PTPRT: variants seen among roughly 807,000 people sequenced by gnomAD.
PTPRT encodes the protein receptor-type tyrosine-protein phosphatase T.
Under a neutral mutation model 176.8 loss-of-function variants are expected in PTPRT, and 56 were observed. The observed-to-expected ratio is 0.32, with a 90% confidence interval of 0.26 to 0.40. PTPRT has a LOEUF of 0.40. PTPRT is among the 10% of genes least tolerant of loss of function. PTPRT has a pLI of 1.00. For synonymous variants in PTPRT, 783 were observed against 739.0 expected (o/e 1.06, Z -0.96); for missense variants, 1,540 against 1,908.2 (o/e 0.81, Z 3.60).
At chr20:42,064,584 C>T in the PTPRT span, among the ~76,000 whole-genome samples, 1 of 152,166 alleles carries the variant, frequency 6.6e-6, no homozygotes, top group Non-Finnish European at 1.5e-5. Flanking sequence ...GTTTATTCTA[C>T]AAGTATGAAT....
chr20:42,941,091 T>G (rs206648), intron 1 of PTPRT, among the ~76,000 whole-genome samples: 1 of 146,724 alleles, frequency 6.8e-6, no homozygotes, highest in African/African-American at 2.6e-5. Context: ...CAAAAAAAAA[T>G]AATAATAATA....
intron 1 of PTPRT, among the ~76,000 whole-genome samples, chr20:42,933,334 G>C (rs2145976542): frequency 6.6e-6 from 1 of 152,252 alleles, no homozygotes; most frequent in Admixed American, 6.5e-5. Flanking sequence ...CTGCAAATAG[G>C]ATCAATTTGG....
intron 2 of PTPRT, among the ~76,000 whole-genome samples, chr20:42,846,261 G>A (rs1378922979): frequency 6.6e-6 from 1 of 152,210 alleles, no homozygotes; most frequent in Non-Finnish European, 1.5e-5. Flanking sequence ...AGCTCTGCAG[G>A]GGAGAGGCAT....
intron 1 of PTPRT, among the ~76,000 whole-genome samples, chr20:42,959,615 G>T (rs936366400): frequency 6.6e-6 from 1 of 152,144 alleles, no homozygotes; most frequent in East Asian, 1.9e-4. Context: ...TCCAGCACAG[G>T]TGGGACAACT....
At chr20:43,180,797 T>C (rs1030063700) in intron 1 of PTPRT, among the ~76,000 whole-genome samples, 2 of 152,132 alleles carry the variant, frequency 1.3e-5, no homozygotes, top group African/African-American at 4.8e-5. Context: ...TGATATATAA[T>C]ATATATGCCC....
At chr20:42,400,473 GACAA>G (rs1286985664) in intron 9 of PTPRT, among the ~76,000 whole-genome samples, 2 of 151,978 alleles carry the variant, frequency 1.3e-5, no homozygotes, top group Non-Finnish European at 2.9e-5. Flanking sequence ...TGTGAGCAAG[GACAA>G]ACAAAGATAT....
intron 7 of PTPRT, among the ~76,000 whole-genome samples, chr20:42,577,846 T>C (rs975638062): frequency 1.3e-5 from 2 of 150,808 alleles, no homozygotes; most frequent in Non-Finnish European, 3.0e-5. Context: ...GCTGTGTGTG[T>C]GTGTGTGTGT....
intron 27 of PTPRT, among the ~76,000 whole-genome samples, chr20:42,089,291 T>C (rs1410419930): frequency 6.6e-6 from 1 of 152,160 alleles, no homozygotes; most frequent in African/African-American, 2.4e-5. Flanking sequence ...AATAAGTCTA[T>C]GGTTGGTCAG....
At chr20:42,637,894 C>A (rs186016941) in intron 7 of PTPRT, among the ~76,000 whole-genome samples, 31 of 152,182 alleles carry the variant, frequency 2.0e-4, no homozygotes, top group African/African-American at 7.5e-4. Context: ...ATTTAAAAAT[C>A]AAACTTGCAT....
At chr20:43,146,076 C>T (rs754743665) in intron 1 of PTPRT, among the ~76,000 whole-genome samples, 31 of 152,120 alleles carry the variant, frequency 2.0e-4, no homozygotes, top group South Asian at 6.2e-4. Flanking sequence ...TAACTCTCAG[C>T]GAATGAGCAT....
intron 1 of PTPRT, among the ~76,000 whole-genome samples, chr20:43,116,520 T>C (rs1451603958): frequency 6.6e-6 from 1 of 152,154 alleles, no homozygotes; most frequent in Non-Finnish European, 1.5e-5. Flanking sequence ...AAAATAGCAA[T>C]GTCCTTTCCA....
chr20:42,602,185 A>T lies in PTPRT; in HGVS notation c.1153+75681T>A, dbSNP rs560303358. On this transcript the variant is annotated intron_variant, in intron 7 of 30. Transcript: ENST00000373187. ...TCCCACAACTCTGGGCCACTAACAC[A>T]TTCATTTTCTTCTCTGCTTTTAAAG... Among the ~76,000 whole-genome samples the T allele has an allele frequency of 1.2e-4, 18 of 152,286 alleles. No homozygotes were observed. The South Asian group carries it at 1.5e-3, about 12-fold the overall frequency.
intron 1 of PTPRT, among the ~76,000 whole-genome samples, chr20:43,134,497 G>A (rs2013760849): frequency 6.6e-6 from 1 of 152,082 alleles, no homozygotes; most frequent in South Asian, 2.1e-4. Context: ...TACCCCTCAT[G>A]TTTCTTCCTG....
rs145905973 is a variant in PTPRT at position 42,261,037 on chromosome 20, A to G, written c.2177-12215T>C. The stretch of plus-strand genomic sequence containing the variant: ...TCAGGATCACTGCATTTCTAAGTAC[A>G]TTCATTTTCCAGGGCTGTTATTACA... On this transcript the variant is annotated intron_variant, in intron 13 of 30. Transcript: ENST00000373187. Among the ~76,000 whole-genome samples the G allele has an allele frequency of 3.6e-4, 55 of 152,262 alleles. No homozygotes were observed. The East Asian group carries it at 6.8e-3, about 19-fold the overall frequency.
chr20:42,118,338 A>G, intron 21 of PTPRT, 65 bp downstream of exon 21: 1 of 1,416,726 alleles, frequency 7.1e-7, no homozygotes, highest in South Asian at 1.3e-5. Flanking sequence ...GATGCATGGA[A>G]CAAAGAGATG....
intron 7 of PTPRT, among the ~76,000 whole-genome samples, chr20:42,657,011 G>A (rs759298088): frequency 6.6e-6 from 1 of 152,100 alleles, no homozygotes; most frequent in Non-Finnish European, 1.5e-5. Context: ...CCCATGTGTC[G>A]AGGGTGGGAC....
Position 42,620,239 on chromosome 20 carries a change from C to G in PTPRT, c.1153+57627G>C, listed in dbSNP as rs933407046. On this transcript the variant is annotated intron_variant, in intron 7 of 30. Transcript: ENST00000373187. ...TGTGCCCCTGCTGGGGGGTGCCTCC[C>G]AGTTAGGCTGCTCGGGGGTCAGGGG... 4.5e-4 allele frequency among the ~76,000 whole-genome samples: 67 copies of G among 150,288 alleles called. No individual in the cohort carries two copies. In the Middle Eastern group the frequency reaches 0.01, roughly 23 times the overall value.
intron 7 of PTPRT, among the ~76,000 whole-genome samples, chr20:42,668,375 G>A (rs994124246): frequency 1.3e-5 from 2 of 152,120 alleles, no homozygotes; most frequent in African/African-American, 4.8e-5. Context: ...CTACAGAGAA[G>A]ACCTGAGGGA....
chr20:42,775,662 G>T (rs2077125201), intron 4 of PTPRT, among the ~76,000 whole-genome samples: 1 of 152,044 alleles, frequency 6.6e-6, no homozygotes, highest in Non-Finnish European at 1.5e-5. Context: ...TTACTGTTTT[G>T]GGAGCTTGGA....
Sources: gnomAD v4.1 joint callset for allele counts (sites outside exome capture counted in the v4.1 genomes callset) on GRCh38, gnomAD v4.1.1 for gene constraint, MANE v1.5 for transcripts, NCBI Gene and HGNC (gene_info 2026-07-23, HGNC 2026-07-21) for gene names.